Variants in TRMT11 observed in about 807,000 individuals in gnomAD.
TRMT11 encodes the protein tRNA (guanine(10)-N(2))-methyltransferase TRMT11.
Under a neutral mutation model 62.8 loss-of-function variants are expected in TRMT11, and 53 were observed. That is an observed-to-expected ratio of 0.84 (90% CI 0.68 to 1.06). TRMT11 has a LOEUF of 1.06. TRMT11 is among the 50% of genes least tolerant of loss of function. TRMT11 has a pLI of 0.00. For synonymous variants in TRMT11, 188 were observed against 190.3 expected, an observed-to-expected ratio of 0.99 and a Z score of 0.10; for missense variants, 556 against 553.4, an observed-to-expected ratio of 1.00 and a Z score of -0.05.
chr6:126,119,214 A>C (rs190948588), intron 21 of TRMT11, among the ~76,000 whole-genome samples: 44 of 152,270 alleles, frequency 2.9e-4, no homozygotes, highest in African/African-American at 1.0e-3. Flanking sequence ...AAAGCTCCCT[A>C]AACAGAGGCT....
intron 21 of TRMT11, among the ~76,000 whole-genome samples, chr6:126,153,537 T>C (rs767645154): frequency 1.3e-5 from 2 of 152,216 alleles, no homozygotes; most frequent in Non-Finnish European, 2.9e-5. Flanking sequence ...GTGTAAAATA[T>C]GAGTATATGA....
At chr6:126,221,478 G>A in the TRMT11 span, among the ~76,000 whole-genome samples, 1 of 152,144 alleles carries the variant, frequency 6.6e-6, no homozygotes, top group Non-Finnish European at 1.5e-5. Flanking sequence ...GTATCTTACT[G>A]AGATTTTGAT....
intron 7 of TRMT11, among the ~76,000 whole-genome samples, chr6:126,000,271 C>A (rs1248109561): frequency 6.6e-6 from 1 of 152,078 alleles, no homozygotes; most frequent in African/African-American, 2.4e-5. Context: ...GGATCTTGCC[C>A]ATACCCAGCA....
intron 21 of TRMT11, among the ~76,000 whole-genome samples, chr6:126,153,488 C>G (rs997184319): frequency 1.3e-5 from 2 of 152,148 alleles, no homozygotes; most frequent in African/African-American, 4.8e-5. Flanking sequence ...TGTACGTTCA[C>G]TTGACATAAG....
chr6:126,110,247 C>G (rs1213041378), intron 17 of TRMT11, among the ~76,000 whole-genome samples: 1 of 152,092 alleles, frequency 6.6e-6, no homozygotes, highest in African/African-American at 2.4e-5. Context: ...GGTTATTCTT[C>G]AACTATACAT....
chr6:126,000,961 C>T (rs1010361463), intron 7 of TRMT11, among the ~76,000 whole-genome samples: 1 of 152,114 alleles, frequency 6.6e-6, no homozygotes, highest in Non-Finnish European at 1.5e-5. Context: ...GTATCCTTAA[C>T]TTAGCTGTTG....
intron 7 of TRMT11, among the ~76,000 whole-genome samples, chr6:126,002,195 A>G (rs1048404118): frequency 1.3e-5 from 2 of 152,212 alleles, no homozygotes; most frequent in African/African-American, 4.8e-5. Flanking sequence ...ATGCATATAT[A>G]CACAATATGC....
intron 21 of TRMT11, among the ~76,000 whole-genome samples, chr6:126,121,120 T>G (rs909646254): frequency 2.0e-5 from 3 of 152,136 alleles, no homozygotes; most frequent in African/African-American, 4.8e-5. Flanking sequence ...TATGGTGTTT[T>G]CATATTAACT....
At chr6:126,055,363 A>G (rs933907254) in intron 17 of TRMT11, among the ~76,000 whole-genome samples, 1 of 151,828 alleles carries the variant, frequency 6.6e-6, no homozygotes, top group African/African-American at 2.4e-5. Context: ...TTTCTCTAAC[A>G]CTCCCTGCCT....
chr6:125,996,257 A>G (rs1004915603), intron 3 of TRMT11, among the ~76,000 whole-genome samples: 1 of 152,232 alleles, frequency 6.6e-6, no homozygotes, highest in Non-Finnish European at 1.5e-5. Flanking sequence ...GTTTTAGAAT[A>G]ATTTTTTAAA....
At chr6:126,006,509 C>A (rs995334172) in intron 7 of TRMT11, among the ~76,000 whole-genome samples, 1 of 151,874 alleles carries the variant, frequency 6.6e-6, no homozygotes, top group Non-Finnish European at 1.5e-5. Context: ...GAGTTGCTAG[C>A]ATAGATCACA....
At chr6:126,099,970 T>G (rs1024579347) in intron 17 of TRMT11, among the ~76,000 whole-genome samples, 1 of 152,114 alleles carries the variant, frequency 6.6e-6, no homozygotes, top group African/African-American at 2.4e-5. Context: ...TGGCTGAGCA[T>G]GAGCCTGGCA....
the TRMT11 span, among the ~76,000 whole-genome samples, chr6:126,261,845 A>G: frequency 5.3e-5 from 8 of 152,300 alleles, no homozygotes; most frequent in South Asian, 4.1e-4. Flanking sequence ...AGGCTCTGTC[A>G]GGCTTTCCAG....
chr6:126,013,114 A>C lies in TRMT11; in HGVS notation c.1139+13A>C. On this transcript the variant is annotated intron_variant, in intron 11 of 12. Coordinates refer to ENST00000334379, the MANE Select transcript of TRMT11 (RefSeq NM_001031712.3). The stretch of plus-strand genomic sequence containing the variant: ...TGTATACGCCAGAGTATGTAATCTT[A>C]ATTTTATTTTTAATTTCATTTTTCT... 6.3e-7 allele frequency: 1 copy of C among 1,586,096 alleles called. No individual in the cohort carries two copies.
chr6:126,267,829 G>C, the TRMT11 span, among the ~76,000 whole-genome samples: 1 of 152,124 alleles, frequency 6.6e-6, no homozygotes, highest in Non-Finnish European at 1.5e-5. Context: ...GACCTCTCCT[G>C]TTCCTTGTTT....
At chr6:126,023,336 C>T (rs544512103) in intron 12 of TRMT11, among the ~76,000 whole-genome samples, 9 of 152,254 alleles carry the variant, frequency 5.9e-5, no homozygotes, top group Middle Eastern at 3.4e-3. Context: ...TTAACCAATA[C>T]TGGCCATTCC....
the TRMT11 span, among the ~76,000 whole-genome samples, chr6:126,252,828 G>GA: frequency 2.0e-5 from 3 of 152,112 alleles, no homozygotes; most frequent in Non-Finnish European, 4.4e-5. Context: ...CCGGAATAAC[G>GA]AAAGTATTGT....
At chr6:126,061,876 C>T (rs1224891413) in intron 17 of TRMT11, among the ~76,000 whole-genome samples, 1 of 152,088 alleles carries the variant, frequency 6.6e-6, no homozygotes, top group Non-Finnish European at 1.5e-5. Flanking sequence ...TTTATGCTAG[C>T]CTATATCCAG....
intron 17 of TRMT11, among the ~76,000 whole-genome samples, chr6:126,104,608 G>T (rs773346505): frequency 1.3e-5 from 2 of 152,172 alleles, no homozygotes; most frequent in African/African-American, 2.4e-5. Context: ...CCTTGTAGAA[G>T]ACCTCACTGA....
Sources: gnomAD v4.1 joint callset for allele counts (sites outside exome capture counted in the v4.1 genomes callset) on GRCh38, gnomAD v4.1.1 for gene constraint, MANE v1.5 for transcripts, NCBI Gene and HGNC (gene_info 2026-07-23, HGNC 2026-07-21) for gene names.